MUC6: variants seen among roughly 807,000 people sequenced by gnomAD.
The protein encoded by MUC6 is mucin-6.
Under a neutral mutation model 201.5 loss-of-function variants are expected in MUC6, and 188 were observed. The observed-to-expected ratio is 0.93, with a 90% confidence interval of 0.83 to 1.05. The LOEUF is 1.05. Ranked by LOEUF, MUC6 falls within the 50% of genes least tolerant of loss-of-function variation. MUC6 has a pLI of 0.00. For missense variants in MUC6, 2,706 were observed against 3,256.9 expected, an observed-to-expected ratio of 0.83 and a Z score of 4.12; for synonymous variants, 1,228 against 1,389.4, an observed-to-expected ratio of 0.88 and a Z score of 2.58.
At chr11:1,026,222 A>T in intron 20 of MUC6, 81 bp from the exon 21 acceptor site, 1 of 1,512,864 alleles carries the variant, frequency 6.6e-7, no homozygotes, top group Non-Finnish European at 8.8e-7. Flanking sequence ...GCCAGACTGC[A>T]CCTCTGGACG....
chr11:1,025,658 G>A, intron 22 of MUC6, 147 bp downstream of exon 22: 2 of 824,850 alleles, frequency 2.4e-6, no homozygotes, highest in Non-Finnish European at 3.9e-6. Context: ...TGGCCAGGGA[G>A]GGGCAGCAGG....
chr11:1,024,934 G>T lies in MUC6; in HGVS notation c.3135C>A (p.Asp1045Glu). ...PLCGDVSFVTDPCSLNAFRRS... is the reference protein window; with the variant it reads ...PLCGDVSFVTEPCSLNAFRRS... Reference sequence around the variant, plus strand: ...GCCGGAAGGCATTGAGACTGCAGGGGTCTGTCACGAAGCTCACGTCCCCGC... The same window carrying T: ...GCCGGAAGGCATTGAGACTGCAGGGTTCTGTCACGAAGCTCACGTCCCCGC... Residue 1045 changes from aspartate to glutamate, a missense_variant, in exon 24 of 33, where the codon GAC becomes GAA. Coordinates refer to ENST00000421673, the MANE Select transcript of MUC6 (RefSeq NM_005961.3). The T allele has an allele frequency of 3.7e-6, 6 of 1,612,990 alleles. No homozygotes were observed. Among genetic ancestry groups the T allele is most frequent in the African/African-American group, 1.3e-5 (1 of 75,080 alleles).
Position 1,018,080 on chromosome 11 carries a change from G to C in MUC6, c.4721C>G (p.Thr1574Ser). Reference protein sequence around the residue: ...ATSSRPPPPFTTHSPPTGSSP... With the variant: ...ATSSRPPPPFSTHSPPTGSSP... Reference sequence around the variant, plus strand: ...GCTCCCTGTAGGTGGGGAGTGTGTGGTGAAGGGTGGTGGTGGCCTGCTGCT... The same window carrying C: ...GCTCCCTGTAGGTGGGGAGTGTGTGCTGAAGGGTGGTGGTGGCCTGCTGCT... Residue 1574 changes from threonine (T) to serine (S), a missense_variant, in exon 31 of 33, where the codon ACC (threonine) becomes AGC (serine). Physicochemically the swap from Thr to Ser is moderately conservative, Grantham distance 58. Transcript: ENST00000421673. 1 of 1,613,324 alleles carries C rather than the reference G, an allele frequency of 6.2e-7. No homozygotes were observed. Among genetic ancestry groups the C allele is most frequent in the Non-Finnish European group, 8.5e-7 (1 of 1,179,826 alleles).
Position 1,019,348 on chromosome 11 carries a change from G to A in MUC6, c.3957C>T (p.Ser1319=), listed in dbSNP as rs1379608757. 1.2e-6 allele frequency: 2 copies of A among 1,613,872 alleles called. No homozygotes were observed. Among genetic ancestry groups the A allele is most frequent in the Non-Finnish European group, 8.5e-7 (1 of 1,179,810 alleles). Reference sequence around the variant, plus strand: ...TGGTCCGTGTTGTGGACTGAGCTGTGGACGTCGTGGCTGGGCTGGCGGTCG... The same window carrying A: ...TGGTCCGTGTTGTGGACTGAGCTGTAGACGTCGTGGCTGGGCTGGCGGTCG... ...TASTASPATT[S]TAQSTTRTTM... The change falls in exon 30 of 33, where the codon TCC becomes TCT. Residue 1319 remains serine, a synonymous_variant. Transcript: ENST00000421673.
rs746484449 is a variant in MUC6 at position 1,025,294 on chromosome 11, G to A, written c.2873C>T (p.Thr958Met). The A allele has an allele frequency of 9.3e-6, 15 of 1,612,582 alleles. No homozygotes were observed. The highest frequency in any genetic ancestry group is 2.2e-5 in the South Asian group (2 of 91,094). The change falls in exon 23 of 33, where the codon ACG (threonine) becomes ATG (methionine). Residue 958 changes from threonine to methionine, a missense_variant. Transcript: ENST00000421673. ...GEEPHVQLGVTPGALSLVVDI... is the reference protein window; with the variant it reads ...GEEPHVQLGVMPGALSLVVDI... ...CACGACAAGGCTCAGCGCACCCGGC[G>A]TCACCCCGAGCTGCACGTGGGGCTC...
rs769050802 is a variant in MUC6 at position 1,026,916 on chromosome 11, C to T, written c.2394+25G>A. 14 of 1,535,754 alleles carry T rather than the reference C, an allele frequency of 9.1e-6. No individual in the cohort carries two copies. The South Asian group carries it at 1.1e-4, about 12-fold the overall frequency. The stretch of plus-strand genomic sequence containing the variant: ...GGTTCAGCTGGGGCCCGGGCATTGT[C>T]CCTGCTCCTCGCGCGCCCCCTTACG... On this transcript the variant is annotated intron_variant, in intron 19 of 32. Coordinates refer to ENST00000421673, the MANE Select transcript of MUC6 (RefSeq NM_005961.3).
At chr11:1,027,227 C>G (rs1856982121) in intron 17 of MUC6, 34 bp from the exon 18 acceptor site, 1 of 1,612,100 alleles carries the variant, frequency 6.2e-7, no homozygotes, top group Admixed American at 1.7e-5. Context: ...ACCCCGGGAC[C>G]TGGCAGGGAC....
At chr11:1,023,696 GCCCTGGCCCTGA>G (rs762104442) in intron 25 of MUC6, 44 bp from the exon 26 acceptor site, 2 of 1,605,162 alleles carry the variant, frequency 1.2e-6, no homozygotes, top group East Asian at 4.5e-5. Flanking sequence ...CCTGGCCCTG[GCCCTGGCCCTGA>G]CCCGGTGGTT....
Position 1,036,710 on chromosome 11 carries a change from C to T in MUC6, c.-55G>A. On this transcript the variant is annotated 5_prime_UTR_variant, in exon 1 of 33. The change abolishes an upstream ATG in the 5' untranslated region. Coordinates refer to ENST00000421673, the MANE Select transcript of MUC6 (RefSeq NM_005961.3). ...GCCCGGCAGGCCTGCTGCTGCCATC[C>T]ATGCGGCTCCAACGGCCGGTCCTGG... The T allele has an allele frequency of 2.0e-6, 3 of 1,525,722 alleles. No homozygotes were observed. Among genetic ancestry groups the T allele is most frequent in the Non-Finnish European group, 2.6e-6 (3 of 1,134,200 alleles). 94.5% of individuals were successfully genotyped at this position (1,525,722 alleles called of 1,614,324 possible).
At chr11:1,034,233 A>G (rs545147109) in intron 1 of MUC6, among the ~76,000 whole-genome samples, 27 of 152,086 alleles carry the variant, frequency 1.8e-4, no homozygotes, top group African/African-American at 6.3e-4. Flanking sequence ...AAGAATGCCA[A>G]CCTTGGCTAT....
intron 2 of MUC6, 148 bp downstream of exon 2, chr11:1,032,865 G>A (rs1857141666): frequency 1.6e-6 from 1 of 622,854 alleles, no homozygotes; most frequent in Non-Finnish European, 2.8e-6. Context: ...TGTGTGTGTT[G>A]GGTGTATGTG....
intron 20 of MUC6, 91 bp from the exon 21 acceptor site, chr11:1,026,232 G>A (rs1011806098): frequency 1.5e-5 from 22 of 1,511,244 alleles, no homozygotes; most frequent in East Asian, 1.4e-4. Context: ...ACCTCTGGAC[G>A]CCCCCGCCTC....
In MUC6 at chr11:1,015,803, G is replaced by A. The variant is rs1428095602; in HGVS notation, c.6998C>T (p.Ala2333Val). ...AGGTGTCCCGAGAGAAGATACCGGG[G>A]CAGAAGCAGGGGTGCTTCCATGGGC... ...LTAHGSTPAS[A>V]PVSSLGTPTP... The change falls in exon 31 of 33, where the codon GCC (alanine) becomes GTC (valine). Residue 2333 changes from alanine to valine, a missense_variant. Physicochemically the swap from Ala to Val is moderately conservative, Grantham distance 64. Coordinates refer to ENST00000421673, the MANE Select transcript of MUC6 (RefSeq NM_005961.3). 6.4e-6 allele frequency: 10 copies of A among 1,557,538 alleles called. No homozygotes were observed. The highest frequency in any genetic ancestry group is 2.3e-5 in the East Asian group (1 of 44,350).
rs1856528311 is a variant in MUC6 at position 1,013,551 on chromosome 11, G to A, written c.7225C>T (p.Pro2409Ser). 1 of 1,576,186 alleles carries A rather than the reference G, an allele frequency of 6.3e-7. No homozygotes were observed. The highest frequency in any genetic ancestry group is 8.6e-7 in the Non-Finnish European group (1 of 1,162,688). ...LHSYEQQLEL[P>S]CPDPSTPGRR... is the part of the protein sequence containing the mutation. ...CCAGGCGTGCTGGGATCGGGGCAGG[G>A]CAGCTCCAGCTGCTGCTCATAGGAG... is the stretch of plus-strand genomic sequence containing the variant. Residue 2409 changes from proline to serine, a missense_variant, in exon 33 of 33, where the codon CCC becomes TCC. Transcript: ENST00000421673.
At chr11:1,026,706 C>A (rs1041027418) in intron 19 of MUC6, among the ~76,000 whole-genome samples, 1 of 152,258 alleles carries the variant, frequency 6.6e-6, no homozygotes, top group Non-Finnish European at 1.5e-5. Context: ...GTACCCACTC[C>A]CACACATGGG....
rs1857042801 is a variant in MUC6 at position 1,029,256 on chromosome 11, T to C, written c.1247A>G (p.His416Arg). ...TTFDARPYRF[H>R]GTCTYILLQS... ...GAGGAGGATGTAGGTGCAGGTGCCG[T>C]GGAAGCGGTAGGGCCTGGCGTCAAA... The change falls in exon 10 of 33, where the codon CAC (histidine) becomes CGC (arginine). Residue 416 changes from histidine to arginine, a missense_variant. By Grantham distance (29) the His-to-Arg change is conservative (BLOSUM62 0). Coordinates refer to ENST00000421673, the MANE Select transcript of MUC6 (RefSeq NM_005961.3). The C allele has an allele frequency of 1.2e-6, 2 of 1,607,786 alleles. No individual in the cohort carries two copies. The highest frequency in any genetic ancestry group is 1.7e-6 in the Non-Finnish European group (2 of 1,177,982).
Position 1,016,595 on chromosome 11 carries a change from C to T in MUC6, c.6206G>A (p.Ser2069Asn), listed in dbSNP as rs1170853620. ...HTAPPMTVTT[S>N]GTSQTHSSFS... ...TGAGCTGTGGGTTTGGCTGGTCCCA[C>T]TGGTGGTCACTGTCATTGGTGGGGC... The change falls in exon 31 of 33, where the codon AGT becomes AAT. Residue 2069 changes from serine (S) to asparagine (N), a missense_variant. By Grantham distance (46) the Ser-to-Asn change is conservative. This residue lies in a region of MUC6 where 586 missense variants were observed against 488.0 expected (regional missense o/e 1.20). Coordinates refer to ENST00000421673, the MANE Select transcript of MUC6 (RefSeq NM_005961.3). 2.5e-6 allele frequency: 4 copies of T among 1,574,872 alleles called. No individual in the cohort carries two copies. The highest frequency in any genetic ancestry group is 1.7e-6 in the Non-Finnish European group (2 of 1,162,486).
rs372870495 is a variant in MUC6, at chr11:1,025,118, C to T, written c.2986-35G>A. On this transcript the variant is annotated intron_variant, in intron 23 of 32. Transcript: ENST00000421673. ...GTGGCATCAGGCCGGGCCCAGGGGC[C>T]GTGCCATCTGTCTCCACCCCTGCAT... The T allele has an allele frequency of 4.2e-5, 68 of 1,612,142 alleles. No homozygotes were observed. In the East Asian group the frequency reaches 6.0e-4, roughly 14 times the overall value.
chr11:1,031,284 G>T (rs762954686), intron 4 of MUC6, 25 bp from the exon 5 acceptor site: 4 of 1,547,722 alleles, frequency 2.6e-6, no homozygotes, highest in East Asian at 2.4e-5. Flanking sequence ...TCTGCTGGGG[G>T]CCCGGGGGCC....
Sources: gnomAD v4.1 joint callset for allele counts (sites outside exome capture counted in the v4.1 genomes callset) on GRCh38, gnomAD v4.1.1 for gene constraint, gnomAD v4.1.1 regional missense constraint, MANE v1.5 for transcripts, NCBI Gene and HGNC (gene_info 2026-07-23, HGNC 2026-07-21) for gene names.